Variants in CCDC102B observed in about 807,000 individuals in gnomAD.
CCDC102B encodes the protein coiled-coil domain containing 102B.
A neutral mutation model predicts 57.4 loss-of-function variants in CCDC102B; 75 were observed. The observed-to-expected ratio is 1.31, with a 90% CI of 1.08 to 1.58. The LOEUF (loss-of-function observed/expected upper bound fraction) is 1.58. CCDC102B is among the 40% of genes most tolerant of loss of function. CCDC102B has a pLI of 0.00. For synonymous variants in CCDC102B, 206 were observed against 201.9 expected (o/e 1.02, Z -0.17); for missense variants, 636 against 582.6 (o/e 1.09, Z -0.94).
intron 4 of CCDC102B, chr18:68,866,396 A>G (rs2038981941): frequency 6.6e-6 from 1 of 152,538 alleles, no homozygotes; most frequent in Non-Finnish European, 1.5e-5. Flanking sequence ...ATAAAATTGT[A>G]AGTAGATGAT....
At chr18:68,967,479 A>T (rs2050193903) in intron 6 of CCDC102B, among the ~76,000 whole-genome samples, 2 of 152,200 alleles carry the variant, frequency 1.3e-5, no homozygotes, top group Non-Finnish European at 2.9e-5. Flanking sequence ...TAAATGAATA[A>T]GATTAGATTT....
Position 68,752,582 on chromosome 18 carries a change from ACTC to A in CCDC102B, c.-67+35991_-67+35993del, listed in dbSNP as rs1170280339. Among the ~76,000 whole-genome samples, 9 of 151,788 alleles carry A rather than the reference ACTC, an allele frequency of 5.9e-5. No homozygotes were observed. The East Asian group carries it at 1.7e-3, about 29-fold the overall frequency. On this transcript the variant is annotated intron_variant, in intron 2 of 3. Transcript: ENST00000578970. The stretch of plus-strand genomic sequence containing the variant: ...TCCCCTGCCTTCGTCCAATAGGTAA[ACTC>A]CTTCTAAATTTTTACTTAGCTTTAA...
At chr18:68,942,797 C>A (rs894368731) in intron 6 of CCDC102B, among the ~76,000 whole-genome samples, 4 of 151,522 alleles carry the variant, frequency 2.6e-5, no homozygotes, top group African/African-American at 7.3e-5. Flanking sequence ...TTTCACTAAT[C>A]CTCCTCAGCA....
chr18:68,730,870 G>A (rs1234669528), intron 2 of CCDC102B, among the ~76,000 whole-genome samples: 2 of 152,140 alleles, frequency 1.3e-5, no homozygotes, highest in Non-Finnish European at 2.9e-5. Flanking sequence ...GTATCAAAAG[G>A]ACTGAGTAAT....
chr18:68,746,749 T>A (rs1237581130), intron 2 of CCDC102B, among the ~76,000 whole-genome samples: 1 of 151,726 alleles, frequency 6.6e-6, no homozygotes. Flanking sequence ...TTTTAAAAAA[T>A]GATAGTTTTA....
intron 6 of CCDC102B, among the ~76,000 whole-genome samples, chr18:68,962,533 T>C (rs2145232737): frequency 6.6e-6 from 1 of 152,188 alleles, no homozygotes; most frequent in Admixed American, 6.6e-5. Flanking sequence ...CTGAGAATTA[T>C]CCCATCCATC....
intron 6 of CCDC102B, among the ~76,000 whole-genome samples, chr18:68,909,773 A>T (rs1389937476): frequency 6.6e-6 from 1 of 152,232 alleles, no homozygotes; most frequent in Non-Finnish European, 1.5e-5. Context: ...GACAGACTGA[A>T]AATGCAGCAG....
chr18:68,733,256 A>G (rs1245463893), intron 2 of CCDC102B, among the ~76,000 whole-genome samples: 1 of 152,054 alleles, frequency 6.6e-6, no homozygotes, highest in Admixed American at 6.5e-5. Context: ...TTCAGAATTA[A>G]AAACTACTGT....
At chr18:68,765,341 GAAAGAAAGAAAGAA>G (rs1480542423) in intron 2 of CCDC102B, among the ~76,000 whole-genome samples, 1 of 108,016 alleles carries the variant, frequency 9.3e-6, no homozygotes, top group Non-Finnish European at 2.0e-5. Context: ...AAGAAAGAAA[GAAAGAAAGAAAGAA>G]AGAAAGAAAG....
At chr18:68,811,636 CAT>C (rs1462542303) in intron 1 of CCDC102B, among the ~76,000 whole-genome samples, 3 of 151,960 alleles carry the variant, frequency 2.0e-5, no homozygotes, top group Non-Finnish European at 4.4e-5. Flanking sequence ...AAACAAAAAA[CAT>C]AAGAAAGTCA....
At chr18:68,717,107 G>A (rs1234180956) in intron 2 of CCDC102B, among the ~76,000 whole-genome samples, 6 of 151,836 alleles carry the variant, frequency 4.0e-5, no homozygotes, top group African/African-American at 7.3e-5. Context: ...AGCCAGATGT[G>A]GTGGCACACA....
chr18:68,968,590 T>C (rs916173835), intron 6 of CCDC102B, among the ~76,000 whole-genome samples: 1 of 152,196 alleles, frequency 6.6e-6, no homozygotes. Context: ...AGATTTGCCC[T>C]CTTAACAAGT....
chr18:68,869,784 G>T (rs1284883551), intron 4 of CCDC102B, among the ~76,000 whole-genome samples: 2 of 152,132 alleles, frequency 1.3e-5, no homozygotes, highest in Non-Finnish European at 2.9e-5. Context: ...TTTTATTCAT[G>T]AAGTCTTTTC....
intron 2 of CCDC102B, among the ~76,000 whole-genome samples, chr18:68,765,320 G>GAAAAGAAAGAAA (rs1568238728): frequency 4.9e-5 from 2 of 40,618 alleles, no homozygotes; most frequent in Non-Finnish European, 1.0e-4. Flanking sequence ...AAGGAAGGAA[G>GAAAAGAAAGAAA]GAAGGAAAGA....
intron 6 of CCDC102B, among the ~76,000 whole-genome samples, chr18:68,898,410 C>A (rs2145021271): frequency 6.6e-6 from 1 of 152,076 alleles, no homozygotes; most frequent in East Asian, 1.9e-4. Context: ...CATGACCTAG[C>A]AATGCAAATA....
intron 4 of CCDC102B, among the ~76,000 whole-genome samples, chr18:68,850,488 T>C (rs1275497311): frequency 6.6e-6 from 1 of 152,020 alleles, no homozygotes; most frequent in Non-Finnish European, 1.5e-5. Context: ...GGATTAGAGC[T>C]ACCTGTGATG....
chr18:68,795,298 A>T (rs955033528), upstream of CCDC102B, among the ~76,000 whole-genome samples: 1 of 152,170 alleles, frequency 6.6e-6, no homozygotes, highest in African/African-American at 2.4e-5. Flanking sequence ...AATGGCTCCT[A>T]GTGAATATTT....
chr18:68,855,263 G>C lies in CCDC102B; in HGVS notation c.936+8842G>C, dbSNP rs548061234. Among the ~76,000 whole-genome samples, 7 of 152,254 alleles carry C rather than the reference G, an allele frequency of 4.6e-5. No homozygotes were observed. The East Asian group carries it at 9.7e-4, about 21-fold the overall frequency. ...TTATGAAATATGTAAAGAGGTGAGAGAGTAGGGTTTTTGACTCTTCCTAAG... is the reference window on the plus strand; with the variant it reads ...TTATGAAATATGTAAAGAGGTGAGACAGTAGGGTTTTTGACTCTTCCTAAG... On this transcript the variant is annotated intron_variant, in intron 4 of 7. Coordinates refer to ENST00000360242, the MANE Select transcript of CCDC102B (RefSeq NM_024781.3).
At chr18:68,715,967 A>T (rs2031942788) in intron 1 of CCDC102B, among the ~76,000 whole-genome samples, 1 of 152,214 alleles carries the variant, frequency 6.6e-6, no homozygotes, top group Admixed American at 6.5e-5. Flanking sequence ...CAAAAATGTC[A>T]TAAAACGTCG....
Sources: gnomAD v4.1 joint callset for allele counts (sites outside exome capture counted in the v4.1 genomes callset) on GRCh38, gnomAD v4.1.1 for gene constraint, MANE v1.5 for transcripts, NCBI Gene and HGNC (gene_info 2026-07-23, HGNC 2026-07-21) for gene names.